Variants in PRORP observed in about 807,000 individuals in gnomAD.
The protein encoded by PRORP is mitochondrial ribonuclease P catalytic subunit.
In PRORP, 51 loss-of-function variants were observed where a neutral mutation model predicts 59.4. That is an observed-to-expected ratio of 0.86 (90% confidence interval 0.69 to 1.08). The LOEUF is 1.08. Ranked by LOEUF, PRORP falls within the 50% of genes least tolerant of loss-of-function variation. The pLI, the probability that PRORP is intolerant of heterozygous loss-of-function variation, is 0.00. For synonymous variants in PRORP, 231 were observed against 245.6 expected (o/e 0.94, Z 0.55); for missense variants, 646 against 690.3 (o/e 0.94, Z 0.72).
chr14:35,254,853 A>G (rs2050710175), intron 5 of PRORP, among the ~76,000 whole-genome samples: 1 of 152,044 alleles, frequency 6.6e-6, no homozygotes, highest in Admixed American at 6.6e-5. Flanking sequence ...CTTGAGTCAC[A>G]TTTGACACCT....
intron 5 of PRORP, among the ~76,000 whole-genome samples, chr14:35,247,303 TC>T (rs2050510240): frequency 6.6e-6 from 1 of 152,184 alleles, no homozygotes; most frequent in Non-Finnish European, 1.5e-5. Flanking sequence ...TGTCTCTCCC[TC>T]CCTCCCTTCC....
intron 4 of PRORP, among the ~76,000 whole-genome samples, chr14:35,160,181 C>T (rs1002350913): frequency 6.6e-6 from 1 of 152,162 alleles, no homozygotes; most frequent in African/African-American, 2.4e-5. Context: ...GTACAAGACA[C>T]GTCATTTGAG....
chr14:35,209,573 A>G (rs2049384037), intron 5 of PRORP, among the ~76,000 whole-genome samples: 1 of 152,132 alleles, frequency 6.6e-6, no homozygotes, highest in East Asian at 1.9e-4. Context: ...GTTTTTTGAG[A>G]CAGGGTCTCG....
intron 7 of PRORP, among the ~76,000 whole-genome samples, chr14:35,270,849 C>T (rs893777753): frequency 2.0e-5 from 3 of 151,774 alleles, no homozygotes; most frequent in Admixed American, 6.6e-5. Context: ...TTTGGGAGGC[C>T]GAGGTGGGCA....
In PRORP at chr14:35,152,674, C is replaced by T. The variant is rs1014141063; in HGVS notation, c.1167+25063C>T. Among the ~76,000 whole-genome samples the T allele has an allele frequency of 9.2e-5, 14 of 151,836 alleles. No homozygotes were observed. The East Asian group carries it at 9.7e-4, about 11-fold the overall frequency. ...GCGGAGACGCTCCTCACTTCCCAGA[C>T]GGGGCGGCTGCCGGGCGGAGGGGCT... On this transcript the variant is annotated intron_variant, in intron 4 of 7. Transcript: ENST00000534898.
Position 35,126,783 on chromosome 14 carries a change from G to T in PRORP, c.1034+1G>T, listed in dbSNP as rs2047110008. 2 of 1,606,298 alleles carry T rather than the reference G, an allele frequency of 1.2e-6. No individual in the cohort carries two copies. The highest frequency in any genetic ancestry group is 1.7e-6 in the Non-Finnish European group (2 of 1,175,456). Reference sequence around the variant, plus strand: ...GACAATTCACCACAGTCCGAAAAAGGTGAAGACCAATGTTTATTTTTAACT... The same window carrying T: ...GACAATTCACCACAGTCCGAAAAAGTTGAAGACCAATGTTTATTTTTAACT... On this transcript the variant is annotated splice_donor_variant, in intron 3 of 7. Coordinates refer to ENST00000534898, the MANE Select transcript of PRORP (RefSeq NM_014672.4). LOFTEE classifies it high-confidence loss of function.
At chr14:35,171,661 G>A (rs1022698673) in intron 4 of PRORP, among the ~76,000 whole-genome samples, 1 of 152,032 alleles carries the variant, frequency 6.6e-6, no homozygotes, top group African/African-American at 2.4e-5. Context: ...TCTGCTTTGA[G>A]TTTGCTCTGC....
intron 4 of PRORP, among the ~76,000 whole-genome samples, chr14:35,138,858 T>C (rs1198793649): frequency 6.9e-6 from 1 of 144,764 alleles, no homozygotes; most frequent in Non-Finnish European, 1.5e-5. Flanking sequence ...TGGTGCCATC[T>C]GGGCTCACTG....
chr14:35,156,959 C>CTT lies in PRORP; in HGVS notation c.1168-23698_1168-23697dup, dbSNP rs11370871. On this transcript the variant is annotated intron_variant, in intron 4 of 7. Coordinates refer to ENST00000534898, the MANE Select transcript of PRORP (RefSeq NM_014672.4). ...AGTTCATTTTTTTCTTTTTTCTTTT[C>CTT]TTTTTTTTTTTTTTGAGACGGAATC... Among the ~76,000 whole-genome samples, 721 of 136,904 alleles carry CTT rather than the reference C, an allele frequency of 5.3e-3. 9 individuals carry two copies. The highest frequency in any genetic ancestry group is 0.019 in the Middle Eastern group (5 of 262). 89.8% of individuals were successfully genotyped at this position (136,904 alleles called of 152,430 possible).
chr14:35,268,786 G>C (rs1344882169), intron 6 of PRORP, among the ~76,000 whole-genome samples: 1 of 152,080 alleles, frequency 6.6e-6, no homozygotes, highest in Non-Finnish European at 1.5e-5. Flanking sequence ...AGTGGAGATG[G>C]GGTTTCACCA....
chr14:35,233,356 T>C (rs1245377563), intron 5 of PRORP, among the ~76,000 whole-genome samples: 2 of 149,462 alleles, frequency 1.3e-5, no homozygotes, highest in Non-Finnish European at 3.0e-5. Flanking sequence ...GTAGAGACAA[T>C]GAATATTGCC....
intron 4 of PRORP, among the ~76,000 whole-genome samples, chr14:35,143,241 CTCCCAGG>C (rs1202891583): frequency 1.4e-5 from 2 of 145,260 alleles, no homozygotes; most frequent in African/African-American, 4.9e-5. Flanking sequence ...CAACCTCTGC[CTCCCAGG>C]TCCCAGGTTC....
In PRORP at chr14:35,149,385, A is replaced by C. The variant is rs8019709; in HGVS notation, c.1167+21774A>C. Among the ~76,000 whole-genome samples, 6 of 151,762 alleles carry C rather than the reference A, an allele frequency of 4.0e-5. No homozygotes were observed. The East Asian group carries it at 1.2e-3, about 29-fold the overall frequency. On this transcript the variant is annotated intron_variant, in intron 4 of 7. Coordinates refer to ENST00000534898, the MANE Select transcript of PRORP (RefSeq NM_014672.4). ...ATACCACCATACCTGGATCATTTTT[A>C]AATTTTTTGTAGAGATAGGATCTTG...
At chr14:35,153,061 G>A (rs12887101) in intron 4 of PRORP, among the ~76,000 whole-genome samples, 1 of 152,240 alleles carries the variant, frequency 6.6e-6, no homozygotes, top group Admixed American at 6.5e-5. Flanking sequence ...GGAGGTTGTA[G>A]CTAGCCGAGA....
At chr14:35,145,838 T>C (rs1359400907) in intron 4 of PRORP, among the ~76,000 whole-genome samples, 1 of 146,692 alleles carries the variant, frequency 6.8e-6, no homozygotes, top group African/African-American at 2.4e-5. Context: ...TTTATTTTTT[T>C]ATTTTTTGAG....
intron 5 of PRORP, among the ~76,000 whole-genome samples, chr14:35,245,074 G>A (rs568036050): frequency 1.6e-4 from 25 of 152,310 alleles, no homozygotes; most frequent in South Asian, 1.2e-3. Context: ...TACCACATCA[G>A]GGCATCTGGC....
chr14:35,203,214 T>C (rs1271766747), intron 5 of PRORP, among the ~76,000 whole-genome samples: 3 of 152,246 alleles, frequency 2.0e-5, no homozygotes, highest in Non-Finnish European at 4.4e-5. Context: ...TTTGCATTAA[T>C]TTTGTTTGGC....
intron 5 of PRORP, among the ~76,000 whole-genome samples, chr14:35,199,411 T>C (rs2049091468): frequency 6.6e-6 from 1 of 152,046 alleles, no homozygotes; most frequent in South Asian, 2.1e-4. Flanking sequence ...ATGTTGAAAC[T>C]TAATTCTCAA....
At chr14:35,199,515 T>C (rs2049095478) in intron 5 of PRORP, among the ~76,000 whole-genome samples, 1 of 151,998 alleles carries the variant, frequency 6.6e-6, no homozygotes, top group Admixed American at 6.6e-5. Context: ...TAAAAGGGCT[T>C]GAGGGAGTGA....
Sources: gnomAD v4.1 joint callset for allele counts (sites outside exome capture counted in the v4.1 genomes callset) on GRCh38, gnomAD v4.1.1 for gene constraint, MANE v1.5 for transcripts, NCBI Gene and HGNC (gene_info 2026-07-23, HGNC 2026-07-21) for gene names.